SYT3: variants seen among roughly 807,000 people sequenced by gnomAD.
SYT3 encodes synaptotagmin 3.
In SYT3, 25 loss-of-function variants were observed where a neutral mutation model predicts 50.6. The ratio of observed to expected loss-of-function variants is 0.49; its 90% CI spans 0.36 to 0.69. SYT3 has a LOEUF of 0.69. SYT3 is among the 30% of genes least tolerant of loss of function. The pLI is 0.00. For synonymous variants in SYT3, 323 were observed against 353.9 expected (o/e 0.91, Z 0.98); for missense variants, 589 against 793.6 (o/e 0.74, Z 3.10).
rs945436221 is a variant in SYT3, at chr19:50,625,523, G to T, written c.1444C>A (p.Leu482Met). 1 of 1,608,480 alleles carries T rather than the reference G, an allele frequency of 6.2e-7. No homozygotes were observed. Among genetic ancestry groups the T allele is most frequent in the African/African-American group, 1.3e-5 (1 of 74,714 alleles). ...TTGATGGAGGTTTTCCGCTTCTTCA[G>T]ACGCCGCCCCTCGCTGATCAGGGAG... ...KASLISEGRR[L>M]KKRKTSIKKN... Residue 482 changes from leucine to methionine, a missense_variant, in exon 8 of 11, where the codon CTG becomes ATG. Physicochemically the swap from Leu to Met is conservative, Grantham distance 15 (BLOSUM62 2). Coordinates refer to ENST00000600079, the MANE Select transcript of SYT3 (RefSeq NM_001160329.2). This position sits in a 1 kb window ranked among gnomAD's most constrained non-coding sequence, Gnocchi z 7.5.
rs1287617127 is a variant in SYT3, at chr19:50,632,738, C to T, written c.222G>A (p.Val74=). The T allele has an allele frequency of 6.4e-7, 1 of 1,565,312 alleles. No homozygotes were observed. Among genetic ancestry groups the T allele is most frequent in the Non-Finnish European group, 8.6e-7 (1 of 1,160,000 alleles). Residue 74 remains valine (V), a synonymous_variant, in exon 4 of 11, where the codon GTG becomes GTA. Transcript: ENST00000600079. This position sits in a 1 kb window ranked among gnomAD's most constrained non-coding sequence, Gnocchi z 4.7. ...GIVLLGVSLF[V]SWKLCWVPWR... ...AGGGCACCCAGCACAACTTCCAGGACACGAAGAGAGAGACACCCAGAAGGA... is the reference window on the plus strand; with the variant it reads ...AGGGCACCCAGCACAACTTCCAGGATACGAAGAGAGAGACACCCAGAAGGA...
chr19:50,628,889 A>G (rs1984172595), intron 6 of SYT3, among the ~76,000 whole-genome samples: 1 of 146,702 alleles, frequency 6.8e-6, no homozygotes, highest in Admixed American at 6.9e-5. Flanking sequence ...CAATGGCATG[A>G]TCTCTGCTCA....
the SYT3 span, among the ~76,000 whole-genome samples, chr19:50,647,165 G>A: frequency 6.6e-6 from 1 of 152,130 alleles, no homozygotes; most frequent in South Asian, 2.1e-4. Flanking sequence ...AATTAATAAA[G>A]GGTAGGTGGA....
chr19:50,656,468 G>C, the SYT3 span: 2 of 1,320,870 alleles, frequency 1.5e-6, no homozygotes, highest in African/African-American at 3.0e-5. Flanking sequence ...CTGTGGGCTT[G>C]CCACCAGGAC....
the SYT3 span, among the ~76,000 whole-genome samples, chr19:50,650,597 G>C: frequency 1.3e-5 from 2 of 152,290 alleles, no homozygotes; most frequent in East Asian, 1.9e-4. Context: ...CTTGAACCCA[G>C]GAGGCAGAGG....
chr19:50,637,361 G>A lies in SYT3; in HGVS notation c.51C>T (p.Val17=), dbSNP rs151019791. The stretch of plus-strand genomic sequence containing the variant: ...CTCGGACCCGCGCACAGAGGTCCGA[G>A]ACCAGGATGAGTGCCCGCCGGCAGA... The part of the protein sequence containing the change: ...DDLCRRALIL[V]SDLCARVRDA... The change falls in exon 3 of 11, where the codon GTC becomes GTT. Residue 17 remains valine, a synonymous_variant. Transcript: ENST00000600079. This position sits in a 1 kb window ranked among gnomAD's most constrained non-coding sequence, Gnocchi z 4.9. The A allele has an allele frequency of 1.3e-4, 211 of 1,611,422 alleles. No homozygotes were observed. Among genetic ancestry groups the A allele is most frequent in the South Asian group, 5.5e-4 (50 of 91,060 alleles).
chr19:50,631,298 A>C (rs972087992), intron 4 of SYT3, among the ~76,000 whole-genome samples: 1 of 151,382 alleles, frequency 6.6e-6, no homozygotes, highest in African/African-American at 2.4e-5. Context: ...TTACAGACAC[A>C]CACAACCATG....
At chr19:50,652,087 G>A in the SYT3 span, among the ~76,000 whole-genome samples, 18 of 152,232 alleles carry the variant, frequency 1.2e-4, no homozygotes, top group Admixed American at 4.6e-4. Context: ...GGGCTCAAGC[G>A]ATCCTCCTGC....
rs774800818 is a variant in SYT3 at position 50,632,417 on chromosome 19, C to T, written c.543G>A (p.Pro181=). 1.1e-5 allele frequency: 17 copies of T among 1,613,732 alleles called. No individual in the cohort carries two copies. Among genetic ancestry groups the T allele is most frequent in the African/African-American group, 2.7e-5 (2 of 75,032 alleles). The part of the protein sequence containing the change: ...AAAAVAAGVK[P]SQTSPELPSE... ...AGGGCAGCTCAGGGGATGTTTGGCT[C>T]GGTTTGACCCCAGCGGCCACTGCTG... The change falls in exon 4 of 11, where the codon CCG becomes CCA. Residue 181 remains proline (P), a synonymous_variant. Coordinates refer to ENST00000600079, the MANE Select transcript of SYT3 (RefSeq NM_001160329.2). This position sits in a 1 kb window ranked among gnomAD's most constrained non-coding sequence, Gnocchi z 4.7.
chr19:50,643,333 C>T (rs1364120509), upstream of SYT3, among the ~76,000 whole-genome samples: 1 of 151,830 alleles, frequency 6.6e-6, no homozygotes, highest in Non-Finnish European at 1.5e-5. Flanking sequence ...GGAGGCTGCC[C>T]AGAGTCCCGT....
Position 50,630,182 on chromosome 19 carries a change from T to C in SYT3, c.675-11A>G. On this transcript the variant is annotated splice_polypyrimidine_tract_variant and intron_variant, in intron 4 of 10. Transcript: ENST00000600079. The stretch of plus-strand genomic sequence containing the variant: ...GGCAGGGCTGGGTACCTGTAGGGGG[T>C]TGGGGGGAGACCAAGGTGAGGTCAG... 1.3e-6 allele frequency: 2 copies of C among 1,510,538 alleles called. No individual in the cohort carries two copies. The allele number at this position is 1,510,538 out of a possible 1,614,324, so 93.6% of individuals were successfully genotyped here. A position where few individuals can be genotyped will look rare whatever the true frequency, so the allele number is the denominator to read the frequency against.
rs181102753 is a variant in SYT3 at position 50,637,156 on chromosome 19, G to A, written c.148+108C>T. The A allele has an allele frequency of 5.6e-5, 75 of 1,348,636 alleles. No individual in the cohort carries two copies. Among genetic ancestry groups the A allele is most frequent in the Admixed American group, 3.1e-4 (17 of 54,782 alleles). The allele number at this position is 1,348,636 out of a possible 1,614,324, so 83.5% of individuals were successfully genotyped here. ...GCAGCAGGCAGAATGGGGGCAAGAC[G>A]CTACGAGGGACTGACCCCACAAGCA... On this transcript the variant is annotated intron_variant, in intron 3 of 10. Coordinates refer to ENST00000600079, the MANE Select transcript of SYT3 (RefSeq NM_001160329.2). This position sits in a 1 kb window ranked among gnomAD's most constrained non-coding sequence, Gnocchi z 4.9.
At position 50,632,163 on chromosome 19, in the gene SYT3, A is replaced by G; in HGVS notation, c.674+123T>C. On this transcript the variant is annotated intron_variant, in intron 4 of 10. Coordinates refer to ENST00000600079, the MANE Select transcript of SYT3 (RefSeq NM_001160329.2). The surrounding 1 kb of genome is among the most constrained non-coding windows in gnomAD (Gnocchi z 4.7). ...GGCCCCAGCCTCCTCTTTCCCTAAG[A>G]TCCAGGAGTCAATACCCCGATTCCC... 3 of 1,129,068 alleles carry G rather than the reference A, an allele frequency of 2.7e-6. No individual in the cohort carries two copies. The highest frequency in any genetic ancestry group is 3.7e-6 in the Non-Finnish European group (3 of 805,894). The allele number at this position is 1,129,068 out of a possible 1,614,324, so 69.9% of individuals were successfully genotyped here. A position where few individuals can be genotyped will look rare whatever the true frequency, so the allele number is the denominator to read the frequency against.
intron 6 of SYT3, among the ~76,000 whole-genome samples, chr19:50,627,659 G>A (rs1199907276): frequency 6.6e-6 from 1 of 151,344 alleles, no homozygotes; most frequent in Non-Finnish European, 1.5e-5. Context: ...CCCGGGAGGT[G>A]GAGGTTGCAG....
Position 50,637,543 on chromosome 19 carries a change from G to A in SYT3, c.-15-117C>T. ...ACCGAGAAAAGGAAGGATGGGCAAAGGGGACAGAGATTAGGGGCAGATGGA... is the reference window on the plus strand; with the variant it reads ...ACCGAGAAAAGGAAGGATGGGCAAAAGGGACAGAGATTAGGGGCAGATGGA... On this transcript the variant is annotated intron_variant, in intron 2 of 10. Coordinates refer to ENST00000600079, the MANE Select transcript of SYT3 (RefSeq NM_001160329.2). The surrounding 1 kb of genome is among the most constrained non-coding windows in gnomAD (Gnocchi z 4.9). The A allele has an allele frequency of 1.1e-6, 1 of 871,570 alleles. No homozygotes were observed. The highest frequency in any genetic ancestry group is 2.7e-5 in the Admixed American group (1 of 36,876). 54.0% of individuals were successfully genotyped at this position (871,570 alleles called of 1,614,324 possible). A position where few individuals can be genotyped will look rare whatever the true frequency, so the allele number is the denominator to read the frequency against.
chr19:50,630,886 G>A (rs1984277718), intron 4 of SYT3, among the ~76,000 whole-genome samples: 1 of 152,090 alleles, frequency 6.6e-6, no homozygotes, highest in Non-Finnish European at 1.5e-5. Context: ...CTCCCCGGCT[G>A]TCTCTCCTCT....
chr19:50,652,329 T>C, the SYT3 span, among the ~76,000 whole-genome samples: 1 of 152,210 alleles, frequency 6.6e-6, no homozygotes, highest in Non-Finnish European at 1.5e-5. Context: ...TGCTAGATGC[T>C]GGGGACGAAA....
intron 2 of SYT3, chr19:50,638,057 C>G (rs1290756705): frequency 2.0e-5 from 3 of 152,378 alleles, no homozygotes; most frequent in Admixed American, 1.3e-4. Context: ...AACAAGCAAA[C>G]AAAAACACAT....
the SYT3 span, among the ~76,000 whole-genome samples, chr19:50,657,752 AATTG>A: frequency 6.6e-6 from 1 of 152,116 alleles, no homozygotes; most frequent in African/African-American, 2.4e-5. Context: ...GCTTGGTGAG[AATTG>A]ATTTTTTTGG....
Sources: allele counts gnomAD v4.1 joint callset (sites outside exome capture counted in the v4.1 genomes callset), GRCh38; gene constraint gnomAD v4.1.1; non-coding constraint Gnocchi (gnomAD v3.1); transcripts MANE v1.5; gene names NCBI Gene and HGNC (gene_info 2026-07-23, HGNC 2026-07-21).